SFXN5: variants seen among roughly 807,000 people sequenced by gnomAD.
The protein encoded by SFXN5 is sideroflexin 5.
SFXN5 carries 43 observed loss-of-function variants against 50.2 expected under a neutral mutation model. The ratio of observed to expected loss-of-function variants is 0.86; its 90% confidence interval spans 0.67 to 1.11. The LOEUF (loss-of-function observed/expected upper bound fraction) is 1.11, where lower values mean the gene tolerates loss of function less well. Among genes scored for constraint, SFXN5 ranks in the 50% least tolerant of loss-of-function variants. SFXN5 has a pLI of 0.00. For synonymous variants in SFXN5, 203 were observed against 185.8 expected, an observed-to-expected ratio of 1.09 and a Z score of -0.75; for missense variants, 463 against 454.1, an observed-to-expected ratio of 1.02 and a Z score of -0.18.
At chr2:73,066,471 T>C (rs1045949857) in intron 1 of SFXN5, among the ~76,000 whole-genome samples, 2 of 151,074 alleles carry the variant, frequency 1.3e-5, no homozygotes, top group Admixed American at 6.6e-5. Flanking sequence ...GGCAGGAGAA[T>C]CACTTGAACC....
Position 72,961,308 on chromosome 2 carries a change from G to GC in SFXN5, c.828-61dup. 2 of 1,231,386 alleles carry GC rather than the reference G, an allele frequency of 1.6e-6. No individual in the cohort carries two copies. The highest frequency in any genetic ancestry group is 2.2e-6 in the Non-Finnish European group (2 of 906,982). The allele number at this position is 1,231,386 out of a possible 1,614,324, so 76.3% of individuals were successfully genotyped here. The stretch of plus-strand genomic sequence containing the variant: ...CGAAGGTGGGGTGGGCTGGCTGCCA[G>GC]CCACCATGCTGGGTCCCACTCTGTC... On this transcript the variant is annotated intron_variant, in intron 12 of 13. Transcript: ENST00000272433. This position sits in a 1 kb window ranked among gnomAD's most constrained non-coding sequence, Gnocchi z 4.4.
At chr2:73,009,868 G>A (rs564954038) in intron 6 of SFXN5, among the ~76,000 whole-genome samples, 2 of 152,248 alleles carry the variant, frequency 1.3e-5, no homozygotes, top group African/African-American at 2.4e-5. Context: ...GAGTGGAAAC[G>A]TATGGGGTGA....
rs1200955880 is a variant in SFXN5, at chr2:72,950,911, C to T, written c.946-5812G>A. On this transcript the variant is annotated intron_variant, in intron 13 of 13. Coordinates refer to ENST00000272433, the MANE Select transcript of SFXN5 (RefSeq NM_144579.3). This position sits in a 1 kb window ranked among gnomAD's most constrained non-coding sequence, Gnocchi z 4.2. ...GATGAGGAGAGAGGACAAGGAGTGG[C>T]CATAGGGAGAAGGGGTGGCCCAGGC... Among the ~76,000 whole-genome samples the T allele has an allele frequency of 2.0e-5, 3 of 152,196 alleles. No homozygotes were observed. Among genetic ancestry groups the T allele is most frequent in the Non-Finnish European group, 4.4e-5 (3 of 68,028 alleles).
At chr2:73,025,743 A>C (rs1259007551) in intron 3 of SFXN5, among the ~76,000 whole-genome samples, 1 of 152,184 alleles carries the variant, frequency 6.6e-6, no homozygotes, top group East Asian at 1.9e-4. Context: ...GCCCAACTAG[A>C]GCTCCAGACA....
intron 10 of SFXN5, among the ~76,000 whole-genome samples, chr2:72,977,257 C>T (rs1444119119): frequency 2.6e-5 from 4 of 152,152 alleles, no homozygotes; most frequent in African/African-American, 7.2e-5. Context: ...GCCTGAGACT[C>T]GCCCTTTGTA....
chr2:73,059,164 C>A, intron 1 of SFXN5: 1 of 985,332 alleles, frequency 1.0e-6, no homozygotes, highest in Non-Finnish European at 1.2e-6. Context: ...GCTCCCCCAA[C>A]CTTGCCCCAG....
intron 9 of SFXN5, among the ~76,000 whole-genome samples, chr2:72,991,447 C>T (rs1446997264): frequency 2.0e-5 from 3 of 152,268 alleles, no homozygotes; most frequent in Non-Finnish European, 4.4e-5. Context: ...ATGTGTGTAG[C>T]TGTGAGCTCA....
chr2:72,965,302 C>T (rs1674254343), intron 12 of SFXN5, among the ~76,000 whole-genome samples: 1 of 152,196 alleles, frequency 6.6e-6, no homozygotes, highest in East Asian at 1.9e-4. Context: ...AGCAGCCCGA[C>T]TCCAGAGGAA....
intron 1 of SFXN5, among the ~76,000 whole-genome samples, chr2:73,068,663 G>A (rs1275888545): frequency 1.3e-5 from 2 of 152,012 alleles, no homozygotes; most frequent in African/African-American, 4.8e-5. Flanking sequence ...CCTCTTAACT[G>A]CCAGGCACTG....
intron 8 of SFXN5, among the ~76,000 whole-genome samples, chr2:72,999,754 G>C (rs1673673036): frequency 6.6e-6 from 1 of 152,150 alleles, no homozygotes; most frequent in African/African-American, 2.4e-5. Context: ...GTGAGCAAAT[G>C]TTAGGACTCT....
chr2:72,965,964 C>T (rs1674348708), intron 12 of SFXN5, among the ~76,000 whole-genome samples: 1 of 152,176 alleles, frequency 6.6e-6, no homozygotes, highest in East Asian at 1.9e-4. Context: ...ATAAGGAGGG[C>T]CTGTCTGAGA....
chr2:73,045,757 A>G (rs1224594638), intron 2 of SFXN5, among the ~76,000 whole-genome samples: 1 of 152,080 alleles, frequency 6.6e-6, no homozygotes, highest in Non-Finnish European at 1.5e-5. Flanking sequence ...ATGTGCAGGC[A>G]AAGTCCCAAG....
chr2:72,970,561 C>A (rs994008447), intron 11 of SFXN5, among the ~76,000 whole-genome samples: 6 of 152,078 alleles, frequency 3.9e-5, no homozygotes, highest in Non-Finnish European at 7.4e-5. Context: ...CACGGCTCCC[C>A]CCTAGCACCC....
chr2:72,997,190 C>T (rs1295277642), intron 9 of SFXN5: 1 of 152,214 alleles, frequency 6.6e-6, no homozygotes, highest in Non-Finnish European at 1.5e-5. Context: ...TCCCACTTCA[C>T]AGCTATTTGG....
At chr2:72,993,808 C>G (rs1350326373) in intron 9 of SFXN5, among the ~76,000 whole-genome samples, 1 of 152,210 alleles carries the variant, frequency 6.6e-6, no homozygotes, top group Non-Finnish European at 1.5e-5. Flanking sequence ...CCCTCCACCA[C>G]AGAGCCAGCC....
At chr2:72,958,963 C>T (rs568867516) in intron 13 of SFXN5, among the ~76,000 whole-genome samples, 26 of 152,270 alleles carry the variant, frequency 1.7e-4, no homozygotes, top group African/African-American at 6.3e-4. Flanking sequence ...CACCCCATTT[C>T]TCACCTTCCA....
At chr2:73,050,388 G>GCGCGCGCACACACACACA in intron 2 of SFXN5, among the ~76,000 whole-genome samples, 1,653 of 143,870 alleles carry the variant, frequency 0.011, 33 homozygotes, top group African/African-American at 0.038. Flanking sequence ...CAGCCACAGC[G>GCGCGCGCACACACACACA]CACGCACACA....
intron 9 of SFXN5, 65 bp downstream of exon 9, chr2:72,998,884 G>A: frequency 1.3e-6 from 2 of 1,550,714 alleles, no homozygotes; most frequent in Non-Finnish European, 1.8e-6. Context: ...GCATCCACCT[G>A]CAATGCTGAG....
chr2:73,011,902 T>TC (rs906091839), intron 6 of SFXN5, among the ~76,000 whole-genome samples: 6 of 152,216 alleles, frequency 3.9e-5, no homozygotes, highest in Non-Finnish European at 7.3e-5. Context: ...GAAACCCTTA[T>TC]CCTTGTGCAA....
Sources: allele counts gnomAD v4.1 joint callset (sites outside exome capture counted in the v4.1 genomes callset), GRCh38; gene constraint gnomAD v4.1.1; non-coding constraint Gnocchi (gnomAD v3.1); transcripts MANE v1.5; gene names NCBI Gene and HGNC (gene_info 2026-07-23, HGNC 2026-07-21).